COL13A1: variants seen among roughly 807,000 people sequenced by gnomAD.
The protein encoded by COL13A1 is collagen alpha-1(XIII) chain.
A neutral mutation model predicts 130.9 loss-of-function variants in COL13A1; 89 were observed. That is an observed-to-expected ratio of 0.68 (90% CI 0.57 to 0.81). COL13A1 has a LOEUF of 0.81. COL13A1 is among the 30% of genes least tolerant of loss of function. COL13A1 has a pLI of 0.00. For missense variants in COL13A1, 879 were observed against 934.6 expected, an observed-to-expected ratio of 0.94 and a Z score of 0.78; for synonymous variants, 402 against 341.6, an observed-to-expected ratio of 1.18 and a Z score of -1.95.
At chr10:69,867,715 C>G (rs375240693) in intron 2 of COL13A1, 83 bp from the exon 3 acceptor site, 3 of 714,026 alleles carry the variant, frequency 4.2e-6, no homozygotes, top group African/African-American at 3.5e-5. Context: ...CTGATGAATC[C>G]TTGGACACTG....
At chr10:69,947,163 G>A (rs548017504) in intron 37 of COL13A1, 144 bp from the exon 38 acceptor site, 10 of 726,944 alleles carry the variant, frequency 1.4e-5, no homozygotes, top group Middle Eastern at 3.6e-4. Context: ...TTGCTTCTCT[G>A]TCCCCTTTCC....
At chr10:69,904,806 T>G in intron 15 of COL13A1, 127 bp from the exon 16 acceptor site, 5 of 977,732 alleles carry the variant, frequency 5.1e-6, no homozygotes. Context: ...GGCTATAGCA[T>G]GCCTATTCTC....
intron 7 of COL13A1, among the ~76,000 whole-genome samples, chr10:69,885,444 C>G (rs2060511963): frequency 6.6e-6 from 1 of 152,230 alleles, no homozygotes; most frequent in Admixed American, 6.5e-5. Context: ...AGTTCCAAGT[C>G]TCACCACATG....
intron 7 of COL13A1, among the ~76,000 whole-genome samples, chr10:69,882,775 C>G (rs1009934495): frequency 3.9e-5 from 6 of 152,346 alleles, no homozygotes; most frequent in African/African-American, 1.4e-4. Context: ...AAGGTTTTAT[C>G]ATACCAGGAG....
At chr10:69,914,221 C>G (rs2063682030) in intron 17 of COL13A1, among the ~76,000 whole-genome samples, 1 of 152,178 alleles carries the variant, frequency 6.6e-6, no homozygotes. Flanking sequence ...GAAGGGAGAG[C>G]AGGGACCCAC....
rs79041699 is a variant in COL13A1 at position 69,840,954 on chromosome 10, T to C, written c.364+18516T>C. Among the ~76,000 whole-genome samples the C allele has an allele frequency of 1.3e-3, 199 of 152,182 alleles. 2 individuals carry two copies. In the East Asian group the frequency reaches 0.033, roughly 25 times the overall value. ...GGCTCTGCCCCATCTAGTCCTTTTC[T>C]GTCACTCAGGAGGACACTCCTCTGT... On this transcript the variant is annotated intron_variant, in intron 2 of 40. Transcript: ENST00000645393.
At chr10:69,882,994 G>A (rs1416622566) in intron 7 of COL13A1, among the ~76,000 whole-genome samples, 1 of 152,202 alleles carries the variant, frequency 6.6e-6, no homozygotes, top group Non-Finnish European at 1.5e-5. Flanking sequence ...GTGGCAGCCA[G>A]GGATGATGGA....
Position 69,945,689 on chromosome 10 carries a change from G to A in COL13A1, c.1987G>A (p.Gly663Arg), listed in dbSNP as rs1441385636. The A allele has an allele frequency of 1.2e-6, 2 of 1,613,146 alleles. No individual in the cohort carries two copies. The highest frequency in any genetic ancestry group is 1.7e-5 in the Admixed American group (1 of 59,932). Residue 663 changes from glycine to arginine, a missense_variant, in exon 37 of 41, where the codon GGG (glycine) becomes AGG (arginine). Physicochemically the swap from Gly to Arg is moderately radical, Grantham distance 125. Transcript: ENST00000645393. The stretch of plus-strand genomic sequence containing the variant: ...ATTTCAGGGCAGCAAAGGAGACCCT[G>A]GGATGACAGGACCAACGGGAGCAGC... Reference protein sequence around the residue: ...KGERGSKGDPGMTGPTGAAGL... With the variant: ...KGERGSKGDPRMTGPTGAAGL...
intron 3 of COL13A1, among the ~76,000 whole-genome samples, chr10:69,868,286 G>T (rs1451059388): frequency 6.6e-6 from 1 of 151,834 alleles, no homozygotes; most frequent in African/African-American, 2.4e-5. Context: ...CTCCATTCTG[G>T]CCACTTTGGG....
At chr10:69,867,878 G>C in intron 3 of COL13A1, 73 bp downstream of exon 3, 1 of 716,124 alleles carries the variant, frequency 1.4e-6, no homozygotes, top group Admixed American at 2.0e-5. Context: ...GTTCTGGGTG[G>C]GGGCACTGAA....
chr10:69,914,187 C>T (rs2063678881), intron 17 of COL13A1, among the ~76,000 whole-genome samples: 1 of 152,172 alleles, frequency 6.6e-6, no homozygotes, highest in African/African-American at 2.4e-5. Flanking sequence ...CTCCTCCCTG[C>T]AGGAGCACCC....
chr10:69,841,045 C>T (rs1212474618), intron 2 of COL13A1, among the ~76,000 whole-genome samples: 2 of 151,946 alleles, frequency 1.3e-5, no homozygotes, highest in East Asian at 1.9e-4. Context: ...CACACCCCAT[C>T]GGGCCCCATC....
chr10:69,827,712 T>G (rs1021290352), intron 2 of COL13A1, among the ~76,000 whole-genome samples: 1 of 152,188 alleles, frequency 6.6e-6, no homozygotes, highest in Non-Finnish European at 1.5e-5. Flanking sequence ...CTTGGTTGTT[T>G]TTCCACAGCT....
chr10:69,854,118 C>G (rs1055775329), intron 2 of COL13A1, among the ~76,000 whole-genome samples: 1 of 152,228 alleles, frequency 6.6e-6, no homozygotes. Context: ...ATCCCTGGCA[C>G]GTACACTGGA....
intron 15 of COL13A1, among the ~76,000 whole-genome samples, chr10:69,903,165 G>T (rs565270142): frequency 1.3e-5 from 2 of 152,340 alleles, no homozygotes; most frequent in Admixed American, 1.3e-4. Context: ...CACCTCTGAT[G>T]GCTATCCCTG....
chr10:69,950,577 G>A (rs1237670889), intron 38 of COL13A1, among the ~76,000 whole-genome samples: 2 of 152,130 alleles, frequency 1.3e-5, no homozygotes, highest in African/African-American at 2.4e-5. Flanking sequence ...TTTACCAGGG[G>A]GCTTCCCCAC....
chr10:69,802,134 GAGA>G lies in COL13A1; in HGVS notation c.-287_-285del, dbSNP rs1266895852. The G allele has an allele frequency of 3.2e-5, 12 of 376,094 alleles. No homozygotes were observed. The highest frequency in any genetic ancestry group is 2.2e-4 in the South Asian group (4 of 18,234). The allele number at this position is 376,094 out of a possible 1,614,324, so 23.3% of individuals were successfully genotyped here. A position where few individuals can be genotyped will look rare whatever the true frequency, so the allele number is the denominator to read the frequency against. ...CACTTGAAGGGAAAGACTGGGCGGAGAGAAGGAGAGCCGGTCAGATTCCCCTAA... is the reference window on the plus strand; with the variant it reads ...CACTTGAAGGGAAAGACTGGGCGGAGAGGAGAGCCGGTCAGATTCCCCTAA... On this transcript the variant is annotated 5_prime_UTR_variant, in exon 1 of 41. Coordinates refer to ENST00000645393, the MANE Select transcript of COL13A1 (RefSeq NM_001368882.1).
At chr10:69,895,210 C>A (rs528676583) in intron 12 of COL13A1, among the ~76,000 whole-genome samples, 68 of 152,304 alleles carry the variant, frequency 4.5e-4, no homozygotes, top group Non-Finnish European at 8.7e-4. Context: ...GGCTCCTGTT[C>A]AGGGCTGTCT....
rs762229407 is a variant in COL13A1 at position 69,937,592 on chromosome 10, GA to G, written c.1798-42del. The G allele has an allele frequency of 5.3e-5, 49 of 923,692 alleles. No homozygotes were observed. In the African/African-American group the frequency reaches 7.7e-4, roughly 14 times the overall value. 57.2% of individuals were successfully genotyped at this position (923,692 alleles called of 1,614,324 possible). On this transcript the variant is annotated intron_variant, in intron 33 of 40. Coordinates refer to ENST00000645393, the MANE Select transcript of COL13A1 (RefSeq NM_001368882.1). Reference sequence around the variant, plus strand: ...CAGAATGCAAGAATGAATTGTCTGGGACATGTCCTTGTGTGATCTCGTCCCC... The same window carrying G: ...CAGAATGCAAGAATGAATTGTCTGGGCATGTCCTTGTGTGATCTCGTCCCC...
Sources: allele counts gnomAD v4.1 joint callset (sites outside exome capture counted in the v4.1 genomes callset), GRCh38; gene constraint gnomAD v4.1.1; transcripts MANE v1.5; gene names NCBI Gene and HGNC (gene_info 2026-07-23, HGNC 2026-07-21).